The following ARSG variants were observed in gnomAD, a reference collection of about 807,000 sequenced individuals.
ARSG encodes ASG.
A neutral mutation model predicts 50.5 loss-of-function variants in ARSG; 37 were observed. That is an observed-to-expected ratio of 0.73 (90% CI 0.56 to 0.96). ARSG has a LOEUF of 0.96. Among genes scored for constraint, ARSG ranks in the 50% least tolerant of loss-of-function variants. The pLI is 0.00. For missense variants in ARSG, 629 were observed against 675.3 expected, an observed-to-expected ratio of 0.93 and a Z score of 0.76; for synonymous variants, 225 against 254.6, an observed-to-expected ratio of 0.88 and a Z score of 1.11.
At chr17:68,441,462 A>G in the ARSG span, among the ~76,000 whole-genome samples, 2 of 152,264 alleles carry the variant, frequency 1.3e-5, no homozygotes, top group African/African-American at 2.4e-5. Context: ...TATAAAATCA[A>G]CAGTCACAGT....
downstream of ARSG, chr17:68,425,879 C>T (rs776112502): frequency 7.2e-6 from 4 of 556,682 alleles, no homozygotes; most frequent in African/African-American, 1.9e-5. Flanking sequence ...GGGTTTAGCT[C>T]GACACCTAAA....
chr17:68,395,198 G>C lies in ARSG; in HGVS notation c.1212+5G>C. On this transcript the variant is annotated splice_donor_5th_base_variant and intron_variant, in intron 10 of 11. Coordinates refer to ENST00000621439, the MANE Select transcript of ARSG (RefSeq NM_001267727.2). ...CGGTCACAGCCTGGGCACAGGGTAA[G>C]TGGAGGAGGTACTTGCCCACATGTA... is the stretch of plus-strand genomic sequence containing the variant. 1 of 1,613,814 alleles carries C rather than the reference G, an allele frequency of 6.2e-7. No homozygotes were observed. The highest frequency in any genetic ancestry group is 8.5e-7 in the Non-Finnish European group (1 of 1,179,826).
At chr17:68,301,117 C>CAAAAA (rs782154030) in intron 1 of ARSG, among the ~76,000 whole-genome samples, 1 of 91,942 alleles carries the variant, frequency 1.1e-5, no homozygotes, top group Non-Finnish European at 2.3e-5. Context: ...GACTCCGTCT[C>CAAAAA]AAAAAAAAAA....
At chr17:68,344,058 C>G (rs1479488541) in intron 3 of ARSG, among the ~76,000 whole-genome samples, 1 of 152,202 alleles carries the variant, frequency 6.6e-6, no homozygotes, top group African/African-American at 2.4e-5. Flanking sequence ...GCCAGGTGCT[C>G]TCACTCGATC....
the ARSG span, among the ~76,000 whole-genome samples, chr17:68,427,833 C>G: frequency 6.6e-6 from 1 of 152,184 alleles, no homozygotes; most frequent in African/African-American, 2.4e-5. Context: ...GGTGCCCTGG[C>G]CACAGCAGGA....
At chr17:68,388,958 AAGCTGCTGTGT>A (rs1207145487) in intron 9 of ARSG, among the ~76,000 whole-genome samples, 1 of 151,564 alleles carries the variant, frequency 6.6e-6, no homozygotes, top group Non-Finnish European at 1.5e-5. Flanking sequence ...AAAACAGCTA[AAGCTGCTGTGT>A]AGCCAGAAGA....
chr17:68,323,062 TATC>T (rs2077358717), intron 2 of ARSG, among the ~76,000 whole-genome samples: 1 of 152,042 alleles, frequency 6.6e-6, no homozygotes, highest in Non-Finnish European at 1.5e-5. Context: ...TCTCTGATGT[TATC>T]ATCCTAATTA....
the ARSG span, among the ~76,000 whole-genome samples, chr17:68,432,123 G>A: frequency 6.6e-6 from 1 of 152,110 alleles, no homozygotes; most frequent in African/African-American, 2.4e-5. Context: ...ATGAGCTTTG[G>A]GTTACACCTG....
At chr17:68,289,559 C>G (rs1490268437), upstream of ARSG, among the ~76,000 whole-genome samples, 1 of 152,150 alleles carries the variant, frequency 6.6e-6, no homozygotes, top group Non-Finnish European at 1.5e-5. Flanking sequence ...AGGCGTAGCC[C>G]GGAGAACAGC....
intron 5 of ARSG, among the ~76,000 whole-genome samples, chr17:68,351,919 A>G (rs1052820135): frequency 6.6e-6 from 1 of 152,150 alleles, no homozygotes; most frequent in East Asian, 1.9e-4. Context: ...TCCTCAGACT[A>G]TTGAGCTCAG....
intron 2 of ARSG, among the ~76,000 whole-genome samples, chr17:68,323,641 C>T (rs75132750): frequency 0.054 from 8,245 of 152,212 alleles, 268 homozygotes; most frequent in East Asian, 0.1. Flanking sequence ...CTAAAGGGCC[C>T]ATGTCCACAT....
At chr17:68,436,813 A>G in the ARSG span, among the ~76,000 whole-genome samples, 4 of 152,182 alleles carry the variant, frequency 2.6e-5, no homozygotes, top group Non-Finnish European at 5.9e-5. Context: ...CCTGGCCAAC[A>G]TGGTGAAACC....
At chr17:68,341,881 G>A (rs1049644680) in intron 2 of ARSG, among the ~76,000 whole-genome samples, 2 of 151,944 alleles carry the variant, frequency 1.3e-5, no homozygotes, top group African/African-American at 4.8e-5. Context: ...GTGCAGTGAC[G>A]CGATCTTGGC....
At chr17:68,389,021 G>A (rs1321095179) in intron 9 of ARSG, among the ~76,000 whole-genome samples, 1 of 152,184 alleles carries the variant, frequency 6.6e-6, no homozygotes, top group African/African-American at 2.4e-5. Context: ...AAGACAGTCA[G>A]GTGTGTGGAA....
At chr17:68,291,810 T>G (rs2076005317) in intron 1 of ARSG, among the ~76,000 whole-genome samples, 3 of 150,088 alleles carry the variant, frequency 2.0e-5, no homozygotes, top group African/African-American at 4.9e-5. Flanking sequence ...CCCGGGCGCC[T>G]TCCCGGCGCG....
intron 3 of ARSG, 96 bp from the exon 4 acceptor site, chr17:68,347,023 GAGGCGA>G: frequency 6.4e-7 from 1 of 1,572,984 alleles, no homozygotes; most frequent in Non-Finnish European, 8.7e-7. Flanking sequence ...TCCACAGTGC[GAGGCGA>G]AGCTAATGGA....
downstream of ARSG, chr17:68,421,682 C>A: frequency 1.3e-6 from 2 of 1,578,092 alleles, no homozygotes; most frequent in South Asian, 1.1e-5. Context: ...CCTTTCTGCT[C>A]ACACAATTGC....
chr17:68,435,337 C>T, the ARSG span, among the ~76,000 whole-genome samples: 907 of 152,262 alleles, frequency 6.0e-3, 17 homozygotes, highest in African/African-American at 0.021. Flanking sequence ...AGCATTTGTC[C>T]GTCTCTACGG....
rs1432789515 is a variant in ARSG, at chr17:68,352,109, GA to G, written c.566+424del. 2.4e-5 allele frequency among the ~76,000 whole-genome samples: 3 copies of G among 125,468 alleles called. No individual in the cohort carries two copies. In the Admixed American group the frequency reaches 2.7e-4, roughly 11 times the overall value. The allele number at this position is 125,468 out of a possible 152,430, so 82.3% of individuals were successfully genotyped here. On this transcript the variant is annotated intron_variant, in intron 5 of 11. Transcript: ENST00000621439. The stretch of plus-strand genomic sequence containing the variant: ...CAGAGGAGAGAGAGAGAGAGAGAGA[GA>G]GAGACAGAGGAGAGAGAGAGAGAGA...
Sources: allele counts gnomAD v4.1 joint callset (sites outside exome capture counted in the v4.1 genomes callset), GRCh38; gene constraint gnomAD v4.1.1; transcripts MANE v1.5; gene names NCBI Gene and HGNC (gene_info 2026-07-23, HGNC 2026-07-21).